Variants in EXOC6B observed in about 807,000 individuals in gnomAD.
The protein encoded by EXOC6B is exocyst complex component 6B, also known as SEC15 homolog B.
In EXOC6B, 54 loss-of-function variants were observed where a neutral mutation model predicts 113.5. The ratio of observed to expected loss-of-function variants is 0.48; its 90% CI spans 0.38 to 0.60. The LOEUF is 0.60. Ranked by LOEUF, EXOC6B falls within the 20% of genes least tolerant of loss-of-function variation. EXOC6B has a pLI of 0.00. For synonymous variants in EXOC6B, 357 were observed against 339.0 expected (o/e 1.05, Z -0.58); for missense variants, 797 against 977.5 (o/e 0.82, Z 2.46).
intron 18 of EXOC6B, among the ~76,000 whole-genome samples, chr2:72,404,972 G>A (rs113683616): frequency 8.5e-5 from 13 of 152,140 alleles, no homozygotes; most frequent in African/African-American, 2.4e-4. Context: ...AAAAATAGAC[G>A]AATGGCTAAC....
chr2:72,493,507 G>A (rs1047773861), intron 15 of EXOC6B, among the ~76,000 whole-genome samples: 1 of 151,908 alleles, frequency 6.6e-6, no homozygotes, highest in African/African-American at 2.4e-5. Flanking sequence ...ATGTGGTAGA[G>A]TTTTGGGTCA....
chr2:72,307,399 G>A (rs1233598990), intron 20 of EXOC6B, among the ~76,000 whole-genome samples: 2 of 151,946 alleles, frequency 1.3e-5, no homozygotes, highest in Non-Finnish European at 2.9e-5. Context: ...ACCTGCCTTG[G>A]CCTCCCAAAG....
intron 6 of EXOC6B, among the ~76,000 whole-genome samples, chr2:72,712,566 C>A (rs1365758982): frequency 6.6e-6 from 1 of 152,196 alleles, no homozygotes; most frequent in Non-Finnish European, 1.5e-5. Flanking sequence ...TCATTTACAG[C>A]AACTCAAGGC....
intron 1 of EXOC6B, among the ~76,000 whole-genome samples, chr2:72,768,027 G>A (rs1387649081): frequency 2.0e-5 from 3 of 147,948 alleles, no homozygotes; most frequent in African/African-American, 7.4e-5. Context: ...TGAGGCAGGA[G>A]AATCACATGA....
At chr2:72,744,638 G>C (rs1174507433) in intron 1 of EXOC6B, among the ~76,000 whole-genome samples, 1 of 152,078 alleles carries the variant, frequency 6.6e-6, no homozygotes, top group African/African-American at 2.4e-5. Flanking sequence ...TTCAATAGTA[G>C]ACAATCTCTT....
intron 18 of EXOC6B, among the ~76,000 whole-genome samples, chr2:72,427,483 G>A (rs1695268240): frequency 6.6e-6 from 1 of 152,186 alleles, no homozygotes; most frequent in South Asian, 2.1e-4. Context: ...GCAGGGTTGG[G>A]GCTAAGCACA....
intron 20 of EXOC6B, among the ~76,000 whole-genome samples, chr2:72,202,187 TTAAAAAC>T (rs1679533428): frequency 1.3e-5 from 2 of 152,210 alleles, no homozygotes; most frequent in Admixed American, 1.3e-4. Context: ...AGGTGAATTT[TTAAAAAC>T]CTGCTCCAAT....
intron 16 of EXOC6B, among the ~76,000 whole-genome samples, chr2:72,481,081 T>C (rs1333713888): frequency 1.3e-5 from 2 of 152,124 alleles, no homozygotes; most frequent in Non-Finnish European, 1.5e-5. Context: ...TTCTCACAGA[T>C]TTGATGGTTT....
chr2:72,554,946 C>T (rs190509155), intron 8 of EXOC6B, among the ~76,000 whole-genome samples: 31 of 152,192 alleles, frequency 2.0e-4, no homozygotes, highest in African/African-American at 5.8e-4. Context: ...TGATGTTCCC[C>T]GCCCTGTGTC....
intron 20 of EXOC6B, among the ~76,000 whole-genome samples, chr2:72,292,725 T>C (rs1398489850): frequency 6.6e-6 from 1 of 152,220 alleles, no homozygotes; most frequent in Non-Finnish European, 1.5e-5. Context: ...CAACCACTGA[T>C]GTGTTCTCCA....
At chr2:72,198,043 G>A (rs1157756099) in intron 20 of EXOC6B, among the ~76,000 whole-genome samples, 1 of 152,114 alleles carries the variant, frequency 6.6e-6, no homozygotes, top group Admixed American at 6.5e-5. Context: ...TTCCCAGAGC[G>A]TTCTCTCATT....
chr2:72,320,244 C>T lies in EXOC6B; in HGVS notation c.2196+14703G>A, dbSNP rs13026838. On this transcript the variant is annotated intron_variant, in intron 20 of 21. Transcript: ENST00000272427. ...ACATATACAGTTTTACATATTTGTT[C>T]ATATATATTTACACATATATGGCTT... Among the ~76,000 whole-genome samples the T allele has an allele frequency of 4.4e-3, 663 of 149,430 alleles. 3 individuals carry two copies. Among genetic ancestry groups the T allele is most frequent in the Middle Eastern group, 0.025 (7 of 280 alleles).
At chr2:72,608,329 G>C (rs922116332) in intron 6 of EXOC6B, among the ~76,000 whole-genome samples, 2 of 152,140 alleles carry the variant, frequency 1.3e-5, no homozygotes, top group African/African-American at 2.4e-5. Context: ...AGTTCAGCAA[G>C]ATTTCCAGAT....
chr2:72,468,599 TGCTC>T (rs938401140), intron 17 of EXOC6B, among the ~76,000 whole-genome samples: 5 of 152,220 alleles, frequency 3.3e-5, no homozygotes, highest in Admixed American at 6.5e-5. Flanking sequence ...TTGTTCTTTC[TGCTC>T]AAGATTGCTT....
intron 6 of EXOC6B, among the ~76,000 whole-genome samples, chr2:72,641,519 C>A (rs1673234576): frequency 6.6e-6 from 1 of 152,240 alleles, no homozygotes. Flanking sequence ...GAGGGGTATC[C>A]ACCATTGCTG....
chr2:72,452,405 G>A (rs918624003), intron 18 of EXOC6B, among the ~76,000 whole-genome samples: 15 of 152,022 alleles, frequency 9.9e-5, no homozygotes, highest in African/African-American at 3.6e-4. Flanking sequence ...GGAAAATATA[G>A]AAAATAATAT....
chr2:72,215,980 TA>T (rs1680505504), intron 20 of EXOC6B, among the ~76,000 whole-genome samples: 1 of 151,410 alleles, frequency 6.6e-6, no homozygotes, highest in South Asian at 2.1e-4. Flanking sequence ...GTGAATGGAA[TA>T]AAAAACAAAC....
At chr2:72,385,421 A>T (rs1397644867) in intron 18 of EXOC6B, among the ~76,000 whole-genome samples, 1 of 151,896 alleles carries the variant, frequency 6.6e-6, no homozygotes, top group Admixed American at 6.6e-5. Flanking sequence ...AAAAAAACAG[A>T]TGAAAAAGCT....
At chr2:72,690,437 T>C (rs945128770) in intron 6 of EXOC6B, among the ~76,000 whole-genome samples, 6 of 152,218 alleles carry the variant, frequency 3.9e-5, no homozygotes, top group Admixed American at 2.6e-4. Context: ...CAGTTGATCA[T>C]GTCAATTCAC....
Sources: gnomAD v4.1 joint callset for allele counts (sites outside exome capture counted in the v4.1 genomes callset) on GRCh38, gnomAD v4.1.1 for gene constraint, MANE v1.5 for transcripts, NCBI Gene and HGNC (gene_info 2026-07-23, HGNC 2026-07-21) for gene names.